Variants in CFAP91 observed in about 807,000 individuals in gnomAD.
CFAP91 encodes the protein cilia and flagella associated protein 91.
CFAP91 carries 85 observed loss-of-function variants against 95.9 expected under a neutral mutation model. The observed-to-expected ratio is 0.89, with a 90% CI of 0.74 to 1.06. The LOEUF is 1.06. CFAP91 is among the 50% of genes least tolerant of loss of function. The pLI, the probability that CFAP91 is intolerant of heterozygous loss-of-function variation, is 0.00. For missense variants in CFAP91, 962 were observed against 943.4 expected, an observed-to-expected ratio of 1.02 and a Z score of -0.26; for synonymous variants, 335 against 327.5, an observed-to-expected ratio of 1.02 and a Z score of -0.25.
At chr3:119,760,773 C>T (rs2054523451) in intron 17 of CFAP91, among the ~76,000 whole-genome samples, 1 of 149,196 alleles carries the variant, frequency 6.7e-6, no homozygotes, top group African/African-American at 2.5e-5. Flanking sequence ...TGGTCCTGAA[C>T]AACAAGAAGT....
chr3:119,732,392 G>A lies in CFAP91; in HGVS notation c.1117G>A (p.Gly373Arg). 6 of 1,612,640 alleles carry A rather than the reference G, an allele frequency of 3.7e-6. No homozygotes were observed. The highest frequency in any genetic ancestry group is 1.3e-5 in the African/African-American group (1 of 74,988). The change falls in exon 9 of 18, where the codon GGA becomes AGA. Residue 373 changes from glycine to arginine, a missense_variant. Coordinates refer to ENST00000273390, the MANE Select transcript of CFAP91 (RefSeq NM_033364.4). ...DYSDYASQVY[G>R]PLSRLGCFPD... ...TTCTGATTATGCATCACAGGTCTAT[G>A]GACCTCTGTCTCGTCTTGGGTGTTT...
chr3:119,710,979 A>G (rs937392299), intron 5 of CFAP91, among the ~76,000 whole-genome samples: 2 of 152,250 alleles, frequency 1.3e-5, no homozygotes, highest in Non-Finnish European at 2.9e-5. Flanking sequence ...TGTAAGAGAA[A>G]AAAGTCTAAG....
chr3:119,763,410 G>C (rs967496326), intron 17 of CFAP91, among the ~76,000 whole-genome samples: 3 of 151,918 alleles, frequency 2.0e-5, no homozygotes, highest in Non-Finnish European at 4.4e-5. Context: ...ACATTATGGA[G>C]GTCCTCAAAA....
intron 16 of CFAP91, chr3:119,749,040 C>A (rs1226418113): frequency 6.6e-6 from 1 of 152,114 alleles, no homozygotes; most frequent in Non-Finnish European, 1.5e-5. Flanking sequence ...ATTTTCAGAT[C>A]AAGTAATATA....
intron 17 of CFAP91, among the ~76,000 whole-genome samples, chr3:119,756,623 T>C (rs571633727): frequency 3.3e-5 from 5 of 152,258 alleles, no homozygotes; most frequent in African/African-American, 1.2e-4. Flanking sequence ...GAGGGCTAAA[T>C]GGATTAAATT....
In CFAP91 at chr3:119,766,618, T is replaced by C. The variant is rs1276335522; in HGVS notation, c.*1568T>C. ...ATACAGCTGGGAACAGCAGACTTTCTCTGAAGGGCCAGATGGTAACTACAT... is the reference window on the plus strand; with the variant it reads ...ATACAGCTGGGAACAGCAGACTTTCCCTGAAGGGCCAGATGGTAACTACAT... On this transcript the variant is annotated 3_prime_UTR_variant, in exon 18 of 18. Transcript: ENST00000273390. 6.6e-6 allele frequency: 1 copy of C among 152,008 alleles called. No individual in the cohort carries two copies. Among genetic ancestry groups the C allele is most frequent in the Non-Finnish European group, 1.5e-5 (1 of 67,992 alleles). 9.4% of individuals were successfully genotyped at this position (152,008 alleles called of 1,614,324 possible).
chr3:119,707,347 T>G, intron 2 of CFAP91, 57 bp from the exon 3 acceptor site: 1 of 1,267,586 alleles, frequency 7.9e-7, no homozygotes, highest in South Asian at 1.8e-5. Flanking sequence ...GTAATTAAAA[T>G]GCTTTAGAAA....
chr3:119,703,254 CGTCGCCTCCTAGGCCAG>C (rs1323914139), intron 1 of CFAP91, 32 bp downstream of exon 1: 11 of 1,607,722 alleles, frequency 6.8e-6, no homozygotes, highest in Non-Finnish European at 9.3e-6. Context: ...CCTCCGCGTC[CGTCGCCTCCTAGGCCAG>C]GTGGGCTCCC....
intron 6 of CFAP91, among the ~76,000 whole-genome samples, chr3:119,719,939 C>T (rs527307768): frequency 4.2e-4 from 64 of 151,348 alleles, no homozygotes; most frequent in African/African-American, 1.2e-4. Context: ...CCCGTCTCTA[C>T]TGAAAATACA....
rs189945595 is a variant in CFAP91 at position 119,725,471 on chromosome 3, G to A, written c.683-700G>A. Among the ~76,000 whole-genome samples the A allele has an allele frequency of 4.1e-3, 629 of 152,332 alleles. 4 individuals carry two copies. The highest frequency in any genetic ancestry group is 0.014 in the African/African-American group (589 of 41,572). ...TCATTTTCTGTTATTTTTTAAAAAA[G>A]TATGTGGCCAAGTGGCTCACACCTG... On this transcript the variant is annotated intron_variant, in intron 6 of 17. Transcript: ENST00000273390.
intron 8 of CFAP91, among the ~76,000 whole-genome samples, chr3:119,732,069 C>G (rs2053908874): frequency 1.3e-5 from 2 of 152,202 alleles, no homozygotes; most frequent in African/African-American, 2.4e-5. Context: ...ATTGAGGACA[C>G]TAGCTGATTC....
chr3:119,721,679 T>C (rs1371508362), intron 6 of CFAP91, among the ~76,000 whole-genome samples: 2 of 152,180 alleles, frequency 1.3e-5, no homozygotes, highest in Non-Finnish European at 2.9e-5. Flanking sequence ...ATTATGGCAA[T>C]AGCACCCTGG....
intron 16 of CFAP91, among the ~76,000 whole-genome samples, chr3:119,749,440 C>A (rs1251902698): frequency 6.6e-6 from 1 of 152,066 alleles, no homozygotes; most frequent in African/African-American, 2.4e-5. Context: ...GGGAGGATCA[C>A]TTGAGTGCAG....
chr3:119,751,966 CAG>C (rs772265954), intron 17 of CFAP91, among the ~76,000 whole-genome samples: 18 of 152,188 alleles, frequency 1.2e-4, no homozygotes, highest in South Asian at 2.1e-4. Context: ...ATTTACCAAT[CAG>C]GGGTCATTTT....
At chr3:119,750,672 T>C (rs1021549838) in intron 16 of CFAP91, 5 of 470,130 alleles carry the variant, frequency 1.1e-5, no homozygotes, top group African/African-American at 3.9e-5. Flanking sequence ...CTGGAGGATC[T>C]TGGACATGAG....
chr3:119,721,759 A>C (rs1260046425), intron 6 of CFAP91, among the ~76,000 whole-genome samples: 1 of 152,254 alleles, frequency 6.6e-6, no homozygotes, highest in African/African-American at 2.4e-5. Context: ...AAGAAGCAGC[A>C]AAACTATCCT....
rs766517358 is a variant in CFAP91, at chr3:119,747,919, GC to G, written c.2143+18del. On this transcript the variant is annotated intron_variant, in intron 16 of 17. Coordinates refer to ENST00000273390, the MANE Select transcript of CFAP91 (RefSeq NM_033364.4). ...AAGAAAAAGGTAAGCCAATGTAAAT[GC>G]TTTACTTTAGGATTTTTTAAAGATG... 7.0e-6 allele frequency: 11 copies of G among 1,569,094 alleles called. No individual in the cohort carries two copies. In the Admixed American group the frequency reaches 1.9e-4, roughly 27 times the overall value.
At position 119,714,365 on chromosome 3, in the gene CFAP91, CAA is replaced by C. The variant is rs1265042198; in HGVS notation, c.501-1178_501-1177del. Among the ~76,000 whole-genome samples the C allele has an allele frequency of 3.9e-3, 499 of 128,568 alleles. 2 individuals are homozygous for C. The highest frequency in any genetic ancestry group is 0.015 in the African/African-American group (463 of 30,596). 84.3% of individuals were successfully genotyped at this position (128,568 alleles called of 152,430 possible). On this transcript the variant is annotated intron_variant, in intron 5 of 17. Transcript: ENST00000273390. The stretch of plus-strand genomic sequence containing the variant: ...TGGGCGACAGAGCGAGACTCCGTCT[CAA>C]AAAAAAAAAAAAAAAAAAGAAAGAA...
intron 16 of CFAP91, 75 bp downstream of exon 16, chr3:119,747,977 A>G: frequency 8.6e-7 from 1 of 1,164,466 alleles, no homozygotes; most frequent in Non-Finnish European, 1.2e-6. Context: ...GAGATTTAAA[A>G]TTAAACAGAG....
Sources: allele counts gnomAD v4.1 joint callset (sites outside exome capture counted in the v4.1 genomes callset), GRCh38; gene constraint gnomAD v4.1.1; transcripts MANE v1.5; gene names NCBI Gene and HGNC (gene_info 2026-07-23, HGNC 2026-07-21).